Variants in RGS9 observed in about 807,000 individuals in gnomAD.
RGS9 encodes regulator of G protein signaling 9, also known as regulator of G-protein signalling 9.
In RGS9, 78 loss-of-function variants were observed where a neutral mutation model predicts 102.0. The ratio of observed to expected loss-of-function variants is 0.76; its 90% CI spans 0.64 to 0.92. The LOEUF is 0.92. Ranked by LOEUF, RGS9 falls within the 40% of genes least tolerant of loss-of-function variation. The probability of loss-of-function intolerance (pLI) is 0.00; values close to 1 mark genes in which losing one functional copy is unlikely to be tolerated. For missense variants in RGS9, 833 were observed against 866.1 expected (o/e 0.96, Z 0.48); for synonymous variants, 353 against 318.6 (o/e 1.11, Z -1.15).
chr17:65,189,090 T>A lies in RGS9; in HGVS notation c.655-196T>A, dbSNP rs1028273277. 6.6e-6 allele frequency: 4 copies of A among 609,004 alleles called. No individual in the cohort carries two copies. The Admixed American group carries it at 8.7e-5, about 13-fold the overall frequency. The allele number at this position is 609,004 out of a possible 1,614,324, so 37.7% of individuals were successfully genotyped here. A position where few individuals can be genotyped will look rare whatever the true frequency, so the allele number is the denominator to read the frequency against. ...AAATTACGCTCCTTCGCTTACAAAA[T>A]CTCTTGCTTGGTATTTATTCCCCAG... is the stretch of plus-strand genomic sequence containing the variant. On this transcript the variant is annotated intron_variant, in intron 9 of 18. Coordinates refer to ENST00000262406, the MANE Select transcript of RGS9 (RefSeq NM_003835.4).
chr17:65,171,773 TCTCACCTGTTTTTTA>T (rs1275738242), intron 8 of RGS9, among the ~76,000 whole-genome samples: 16 of 152,226 alleles, frequency 1.1e-4, no homozygotes, highest in Non-Finnish European at 1.6e-4. Context: ...AAACGATGTT[TCTCACCTGTTTTTTA>T]CTCAAATGGA....
At chr17:65,202,444 T>TGTGTGTGTGTGTGA (rs3838367) in intron 14 of RGS9, among the ~76,000 whole-genome samples, 14 of 131,782 alleles carry the variant, frequency 1.1e-4, no homozygotes, top group African/African-American at 4.0e-4. Context: ...TGTGTGTGTG[T>TGTGTGTGTGTGTGA]GAGAGAGAGA....
At chr17:65,151,661 C>A (rs761520962) in intron 1 of RGS9, among the ~76,000 whole-genome samples, 43 of 152,314 alleles carry the variant, frequency 2.8e-4, no homozygotes, top group Admixed American at 7.2e-4. Flanking sequence ...AAGGCAGACA[C>A]CTTTGCTTCC....
Position 65,173,826 on chromosome 17 carries a change from T to TGATGAATGAAGAAATG in RGS9, c.583-3895_583-3880dup, listed in dbSNP as rs149725146. 6.9e-3 allele frequency among the ~76,000 whole-genome samples: 1,043 copies of TGATGAATGAAGAAATG among 151,698 alleles called. 15 individuals are homozygous for TGATGAATGAAGAAATG. The highest frequency in any genetic ancestry group is 0.023 in the African/African-American group (947 of 40,940). ...AGTGGGTCAAAGACTTTACACTACC[T>TGATGAATGAAGAAATG]GATGAATGAAGAAATGGATGAATGA... is the stretch of plus-strand genomic sequence containing the variant. On this transcript the variant is annotated intron_variant, in intron 8 of 18. Coordinates refer to ENST00000262406, the MANE Select transcript of RGS9 (RefSeq NM_003835.4). The surrounding 1 kb of genome is among the most constrained non-coding windows in gnomAD (Gnocchi z 4.8).
intron 8 of RGS9, among the ~76,000 whole-genome samples, chr17:65,172,835 A>T (rs1466718983): frequency 1.3e-5 from 2 of 152,212 alleles, no homozygotes; most frequent in Non-Finnish European, 1.5e-5. Flanking sequence ...ATTCAAGCCA[A>T]GATCCTCTAG....
intron 11 of RGS9, among the ~76,000 whole-genome samples, chr17:65,190,579 T>C (rs78207637): frequency 0.035 from 5,389 of 152,304 alleles, 147 homozygotes; most frequent in African/African-American, 0.076. Context: ...CTATCGTTAC[T>C]GGTTCCAATT....
intron 13 of RGS9, among the ~76,000 whole-genome samples, chr17:65,200,213 G>A (rs1204449221): frequency 1.3e-5 from 2 of 152,060 alleles, no homozygotes; most frequent in Non-Finnish European, 2.9e-5. Context: ...TGTATTTTTA[G>A]TAGAGACAGG....
At chr17:65,188,209 G>C (rs1260418652) in intron 9 of RGS9, among the ~76,000 whole-genome samples, 1 of 152,218 alleles carries the variant, frequency 6.6e-6, no homozygotes, top group African/African-American at 2.4e-5. Flanking sequence ...TTTAGCCAGA[G>C]ATAGATCTGA....
chr17:65,207,828 T>G, intron 15 of RGS9, 94 bp from the exon 16 acceptor site: 5 of 858,216 alleles, frequency 5.8e-6, no homozygotes, highest in Non-Finnish European at 9.6e-6. Context: ...TTTTCCATTC[T>G]ACTGCCAAGG....
At chr17:65,165,390 A>T (rs1033687983) in intron 7 of RGS9, among the ~76,000 whole-genome samples, 6 of 151,998 alleles carry the variant, frequency 3.9e-5, no homozygotes, top group Admixed American at 1.3e-4. Flanking sequence ...TTTCCCACTT[A>T]TTTTATGGCT....
chr17:65,223,276 C>T (rs1905441713), intron 17 of RGS9, among the ~76,000 whole-genome samples: 1 of 152,172 alleles, frequency 6.6e-6, no homozygotes, highest in Non-Finnish European at 1.5e-5. Flanking sequence ...ACCCCATGGC[C>T]CTGGGCGTGG....
intron 16 of RGS9, among the ~76,000 whole-genome samples, chr17:65,208,755 G>T (rs768367150): frequency 5.3e-5 from 8 of 152,138 alleles, no homozygotes; most frequent in Non-Finnish European, 1.0e-4. Context: ...TCCCCTGTTT[G>T]CTGGGTCAAC....
chr17:65,148,956 T>A (rs73345896), intron 1 of RGS9, among the ~76,000 whole-genome samples: 8,763 of 152,120 alleles, frequency 0.058, 412 homozygotes, highest in African/African-American at 0.13. Flanking sequence ...GTTTTGGTGT[T>A]TTTTTTGTTT....
intron 1 of RGS9, among the ~76,000 whole-genome samples, chr17:65,140,282 C>T (rs1040229188): frequency 1.3e-5 from 2 of 152,102 alleles, no homozygotes; most frequent in Admixed American, 1.3e-4. Context: ...GCTCAGTGTG[C>T]TTAGGGACAC....
chr17:65,186,296 A>C (rs775099142), intron 9 of RGS9, among the ~76,000 whole-genome samples: 64 of 151,726 alleles, frequency 4.2e-4, no homozygotes, highest in Admixed American at 6.6e-4. Flanking sequence ...TCCTGGGTTC[A>C]AGCAATTCTC....
chr17:65,220,873 C>G (rs1913683317), intron 17 of RGS9, among the ~76,000 whole-genome samples: 1 of 152,202 alleles, frequency 6.6e-6, no homozygotes, highest in African/African-American at 2.4e-5. Flanking sequence ...AATAAAACAG[C>G]AGCATGAAAC....
At position 65,197,287 on chromosome 17, in the gene RGS9, A is replaced by G. The variant is rs1341951919; in HGVS notation, c.976+46A>G. On this transcript the variant is annotated intron_variant, in intron 13 of 18. Coordinates refer to ENST00000262406, the MANE Select transcript of RGS9 (RefSeq NM_003835.4). Reference sequence around the variant, plus strand: ...AAAAATTAAAATAACTTACTTTTAGAAAGAGTCCTTTAATGTCTAGCCTAG... The same window carrying G: ...AAAAATTAAAATAACTTACTTTTAGGAAGAGTCCTTTAATGTCTAGCCTAG... The G allele has an allele frequency of 3.2e-6, 4 of 1,268,514 alleles. No homozygotes were observed. The African/African-American group carries it at 6.0e-5, about 19-fold the overall frequency. 78.6% of individuals were successfully genotyped at this position (1,268,514 alleles called of 1,614,324 possible). A position where few individuals can be genotyped will look rare whatever the true frequency, so the allele number is the denominator to read the frequency against.
intron 1 of RGS9, among the ~76,000 whole-genome samples, chr17:65,152,521 C>T (rs117534908): frequency 6.6e-6 from 1 of 152,222 alleles, no homozygotes; most frequent in East Asian, 1.9e-4. Flanking sequence ...AGGGTTGAAA[C>T]GCTGTCATTT....
chr17:65,157,171 G>A (rs750703300), intron 2 of RGS9, among the ~76,000 whole-genome samples: 3 of 152,176 alleles, frequency 2.0e-5, no homozygotes, highest in African/African-American at 4.8e-5. Flanking sequence ...CTTCTTTGAT[G>A]TGTTATGTGG....
Sources: allele counts gnomAD v4.1 joint callset (sites outside exome capture counted in the v4.1 genomes callset), GRCh38; gene constraint gnomAD v4.1.1; non-coding constraint Gnocchi (gnomAD v3.1); transcripts MANE v1.5; gene names NCBI Gene and HGNC (gene_info 2026-07-23, HGNC 2026-07-21).